The following DSCAM variants were observed in gnomAD, a reference collection of about 807,000 sequenced individuals.
The protein encoded by DSCAM is cell adhesion molecule DSCAM.
Under a neutral mutation model 217.7 loss-of-function variants are expected in DSCAM, and 47 were observed. The observed-to-expected ratio is 0.22, with a 90% CI of 0.17 to 0.28. The LOEUF is 0.28. Ranked by LOEUF, DSCAM falls within the 10% of genes least tolerant of loss-of-function variation. The pLI is 1.00. For missense variants in DSCAM, 2,080 were observed against 2,618.3 expected (o/e 0.79, Z 4.49); for synonymous variants, 1,056 against 1,015.3 (o/e 1.04, Z -0.76).
At chr21:40,840,937 CT>C (rs1348112681) in intron 1 of DSCAM, among the ~76,000 whole-genome samples, 2 of 152,156 alleles carry the variant, frequency 1.3e-5, no homozygotes, top group Admixed American at 6.5e-5. Context: ...GGAACATCAT[CT>C]ATTTCCACTA....
intron 1 of DSCAM, among the ~76,000 whole-genome samples, chr21:40,772,912 G>C (rs1245280378): frequency 2.6e-5 from 4 of 152,250 alleles, no homozygotes; most frequent in Admixed American, 1.3e-4. Flanking sequence ...GCTGTCTTCT[G>C]TCAAATAAAA....
chr21:40,272,026 C>T (rs2222982), intron 11 of DSCAM, among the ~76,000 whole-genome samples: 4,536 of 152,156 alleles, frequency 0.03, 221 homozygotes, highest in African/African-American at 0.1. Flanking sequence ...AAATAAATAT[C>T]CTAAAATGAT....
chr21:40,742,933 T>A (rs548299740), intron 1 of DSCAM, among the ~76,000 whole-genome samples: 2 of 152,222 alleles, frequency 1.3e-5, no homozygotes, highest in Admixed American at 1.3e-4. Context: ...AGTTAAGCAG[T>A]ATCCCCTAAA....
chr21:40,728,034 C>A (rs779840291), intron 1 of DSCAM, among the ~76,000 whole-genome samples: 3 of 152,170 alleles, frequency 2.0e-5, no homozygotes, highest in South Asian at 2.1e-4. Flanking sequence ...GCCGTCTCCC[C>A]CTCAGGGATG....
intron 22 of DSCAM, 100 bp downstream of exon 22, chr21:40,087,070 T>C (rs2089542244): frequency 1.1e-6 from 1 of 884,012 alleles, no homozygotes; most frequent in Non-Finnish European, 1.8e-6. Flanking sequence ...TTCACTAATA[T>C]AAATAAACAC....
intron 3 of DSCAM, among the ~76,000 whole-genome samples, chr21:40,691,516 A>G (rs2090537587): frequency 6.6e-6 from 1 of 152,218 alleles, no homozygotes; most frequent in South Asian, 2.1e-4. Flanking sequence ...TAAGACAACT[A>G]ACATGACCCC....
At chr21:40,461,622 C>T (rs1257251284) in intron 3 of DSCAM, among the ~76,000 whole-genome samples, 1 of 151,504 alleles carries the variant, frequency 6.6e-6, no homozygotes, top group East Asian at 1.9e-4. Flanking sequence ...ATCCGCAGAA[C>T]CTGTGAATGT....
chr21:40,055,869 C>T, intron 28 of DSCAM, 29 bp from the exon 29 acceptor site: 5 of 1,548,296 alleles, frequency 3.2e-6, no homozygotes, highest in Non-Finnish European at 4.5e-6. Flanking sequence ...AATGCATTAA[C>T]AAATCCAGTT....
At chr21:40,178,151 C>T (rs1712507052) in intron 15 of DSCAM, among the ~76,000 whole-genome samples, 1 of 152,208 alleles carries the variant, frequency 6.6e-6, no homozygotes, top group Non-Finnish European at 1.5e-5. Context: ...CATTCATGGA[C>T]CATTGCCTGA....
At chr21:40,844,224 ATTC>A (rs573239047) in intron 1 of DSCAM, among the ~76,000 whole-genome samples, 22 of 152,280 alleles carry the variant, frequency 1.4e-4, no homozygotes, top group African/African-American at 5.1e-4. Context: ...TCCAAACTGG[ATTC>A]TTATTTTATT....
chr21:40,295,960 C>T lies in DSCAM; in HGVS notation c.2182+95G>A, dbSNP rs573981470. On this transcript the variant is annotated intron_variant, in intron 10 of 32. Coordinates refer to ENST00000400454, the MANE Select transcript of DSCAM (RefSeq NM_001389.5). ...GGAAACAGAGATACGTATCTACTTGCAAGAAACTTCTCTGGAAATCTAGAA... is the reference window on the plus strand; with the variant it reads ...GGAAACAGAGATACGTATCTACTTGTAAGAAACTTCTCTGGAAATCTAGAA... 20 of 1,460,154 alleles carry T rather than the reference C, an allele frequency of 1.4e-5. No individual in the cohort carries two copies. The South Asian group carries it at 2.7e-4, about 19-fold the overall frequency. The allele number at this position is 1,460,154 out of a possible 1,614,324, so 90.4% of individuals were successfully genotyped here.
intron 3 of DSCAM, among the ~76,000 whole-genome samples, chr21:40,450,352 T>C (rs2075708512): frequency 6.6e-6 from 1 of 152,186 alleles, no homozygotes. Flanking sequence ...TGAAAATAGA[T>C]CCCACATGTT....
intron 29 of DSCAM, among the ~76,000 whole-genome samples, chr21:40,053,303 G>T (rs2088962495): frequency 6.6e-6 from 1 of 152,236 alleles, no homozygotes; most frequent in Non-Finnish European, 1.5e-5. Flanking sequence ...ACCACAGCAG[G>T]CGCCTGGGCT....
chr21:40,753,286 T>C (rs1021679690), intron 1 of DSCAM, among the ~76,000 whole-genome samples: 1 of 152,240 alleles, frequency 6.6e-6, no homozygotes, highest in Non-Finnish European at 1.5e-5. Flanking sequence ...TGGTTGTCCA[T>C]GGTTAGTCCA....
intron 17 of DSCAM, 76 bp from the exon 18 acceptor site, chr21:40,142,780 T>G (rs753427350): frequency 8.7e-6 from 13 of 1,499,878 alleles, no homozygotes; most frequent in African/African-American, 1.4e-5. Flanking sequence ...AAGCAACGTA[T>G]TTTAATATTT....
At chr21:40,731,834 T>C (rs915617482) in intron 1 of DSCAM, among the ~76,000 whole-genome samples, 6 of 148,322 alleles carry the variant, frequency 4.0e-5, no homozygotes, top group African/African-American at 1.5e-4. Context: ...GTTCAAGTGA[T>C]TCTCCTGCCT....
intron 11 of DSCAM, among the ~76,000 whole-genome samples, chr21:40,230,397 G>C (rs1224238077): frequency 6.6e-6 from 1 of 152,100 alleles, no homozygotes; most frequent in Non-Finnish European, 1.5e-5. Flanking sequence ...CAGTTTATCA[G>C]TTTCTCTTTG....
chr21:40,511,304 G>T (rs2076255561), intron 3 of DSCAM, among the ~76,000 whole-genome samples: 1 of 151,998 alleles, frequency 6.6e-6, no homozygotes, highest in African/African-American at 2.4e-5. Flanking sequence ...GATAAAAAGT[G>T]ACATTAAAAA....
chr21:40,048,652 T>A (rs570523045), intron 30 of DSCAM, among the ~76,000 whole-genome samples: 1 of 152,344 alleles, frequency 6.6e-6, no homozygotes, highest in African/African-American at 2.4e-5. Flanking sequence ...ATTCTTGCAA[T>A]GACAACACAG....
Sources: allele counts gnomAD v4.1 joint callset (sites outside exome capture counted in the v4.1 genomes callset), GRCh38; gene constraint gnomAD v4.1.1; transcripts MANE v1.5; gene names NCBI Gene and HGNC (gene_info 2026-07-23, HGNC 2026-07-21).